The following SPATS1 variants were observed in gnomAD, a reference collection of about 807,000 sequenced individuals.
The protein encoded by SPATS1 is spermatogenesis associated serine rich 1.
In SPATS1, 23 loss-of-function variants were observed where a neutral mutation model predicts 33.6. The ratio of observed to expected loss-of-function variants is 0.68; its 90% CI spans 0.49 to 0.97. The LOEUF (loss-of-function observed/expected upper bound fraction) is 0.97, where lower values mean the gene tolerates loss of function less well. Among genes scored for constraint, SPATS1 ranks in the 50% least tolerant of loss-of-function variants. The pLI is 0.00. For missense variants in SPATS1, 327 were observed against 361.0 expected (o/e 0.91, Z 0.76); for synonymous variants, 131 against 125.6 (o/e 1.04, Z -0.29).
chr6:44,364,605 A>C (rs988384488), intron 5 of SPATS1, among the ~76,000 whole-genome samples: 5 of 152,186 alleles, frequency 3.3e-5, no homozygotes, highest in South Asian at 2.1e-4. Flanking sequence ...TTAAACATCA[A>C]ACGCAATGGT....
chr6:44,361,314 C>T (rs939822773), intron 4 of SPATS1: 16 of 985,170 alleles, frequency 1.6e-5, no homozygotes, highest in African/African-American at 7.0e-5. Flanking sequence ...TGGGGTCTCA[C>T]GACAGCTTTT....
At chr6:44,364,411 A>G (rs899954391) in intron 5 of SPATS1, among the ~76,000 whole-genome samples, 11 of 152,306 alleles carry the variant, frequency 7.2e-5, no homozygotes, top group African/African-American at 2.4e-4. Context: ...TGCAATTTGT[A>G]TGGTGAAGAA....
chr6:44,354,141 C>T (rs921138897), intron 3 of SPATS1, among the ~76,000 whole-genome samples: 2 of 151,618 alleles, frequency 1.3e-5, no homozygotes, highest in African/African-American at 4.8e-5. Context: ...CGAGGCCAGC[C>T]AGGGCAACAC....
At chr6:44,361,652 C>T in intron 4 of SPATS1, 179 bp from the exon 5 acceptor site, 1 of 743,180 alleles carries the variant, frequency 1.3e-6, no homozygotes, top group Non-Finnish European at 1.6e-6. Flanking sequence ...ACTTCCCTTC[C>T]TTTTGTGTCT....
intron 5 of SPATS1, 67 bp from the exon 6 acceptor site, chr6:44,368,312 T>C (rs1789368718): frequency 6.5e-7 from 1 of 1,529,140 alleles, no homozygotes; most frequent in African/African-American, 1.4e-5. Context: ...GTCATGCCAA[T>C]ACTTACAGCA....
At chr6:44,344,966 G>A (rs986123374) in intron 2 of SPATS1, among the ~76,000 whole-genome samples, 1 of 152,146 alleles carries the variant, frequency 6.6e-6, no homozygotes, top group African/African-American at 2.4e-5. Flanking sequence ...TCTCCTTAGT[G>A]TGTTTGTCTC....
rs1468013665 is a variant in SPATS1, at chr6:44,342,665, G to C, written c.-104G>C. ...CGGCAACCCCGGAACGCGCCTCTGT[G>C]GGAGAAGCAGGCGGCTGCGGTGTCC... is the stretch of plus-strand genomic sequence containing the variant. On this transcript the variant is annotated 5_prime_UTR_variant, in exon 1 of 9. Transcript: ENST00000674044. 2 of 456,652 alleles carry C rather than the reference G, an allele frequency of 4.4e-6. No individual in the cohort carries two copies. The highest frequency in any genetic ancestry group is 8.8e-6 in the Non-Finnish European group (2 of 227,204). The allele number at this position is 456,652 out of a possible 1,614,324, so 28.3% of individuals were successfully genotyped here.
chr6:44,342,759 T>TG lies in SPATS1; in HGVS notation c.-8dup, dbSNP rs768517384. 23 of 488,128 alleles carry TG rather than the reference T, an allele frequency of 4.7e-5. No homozygotes were observed. The highest frequency in any genetic ancestry group is 3.5e-4 in the South Asian group (23 of 64,912). The allele number at this position is 488,128 out of a possible 1,614,324, so 30.2% of individuals were successfully genotyped here. A position where few individuals can be genotyped will look rare whatever the true frequency, so the allele number is the denominator to read the frequency against. On this transcript the variant is annotated 5_prime_UTR_variant, in exon 1 of 9. Coordinates refer to ENST00000674044, the MANE Select transcript of SPATS1 (RefSeq NM_001372081.1). The stretch of plus-strand genomic sequence containing the variant: ...TGCGTTCGGCAGTTCAGTTGCCAGT[T>TG]GGTTCGTTGGTCCGTGGAGGCCTCT...
intron 2 of SPATS1, among the ~76,000 whole-genome samples, chr6:44,344,814 G>A (rs867877296): frequency 2.5e-4 from 38 of 152,048 alleles, no homozygotes; most frequent in Middle Eastern, 3.4e-3. Context: ...ACCTTCTCTT[G>A]GCCTTTAATT....
At position 44,376,907 on chromosome 6, in the gene SPATS1, G is replaced by T. The variant is rs559127327; in HGVS notation, c.875-128G>T. On this transcript the variant is annotated intron_variant, in intron 8 of 8. Coordinates refer to ENST00000674044, the MANE Select transcript of SPATS1 (RefSeq NM_001372081.1). ...AGGCAAAGTATCTCCTGGAGTGGAT[G>T]TGTCTTCTGTCCCGAGGTGGTCTCA... is the stretch of plus-strand genomic sequence containing the variant. The T allele has an allele frequency of 5.1e-6, 5 of 987,648 alleles. No individual in the cohort carries two copies. The African/African-American group carries it at 6.4e-5, about 13-fold the overall frequency. 61.2% of individuals were successfully genotyped at this position (987,648 alleles called of 1,614,324 possible).
intron 2 of SPATS1, among the ~76,000 whole-genome samples, chr6:44,345,218 C>T (rs184526560): frequency 4.1e-4 from 62 of 152,148 alleles, no homozygotes; most frequent in African/African-American, 1.4e-3. Flanking sequence ...GTCTCCAGCT[C>T]AAGTTTGAGG....
intron 5 of SPATS1, among the ~76,000 whole-genome samples, chr6:44,366,936 G>C (rs958912736): frequency 6.6e-6 from 1 of 152,092 alleles, no homozygotes; most frequent in Non-Finnish European, 1.5e-5. Context: ...ATAGCTCAAG[G>C]GCACAGAACT....
intron 7 of SPATS1, among the ~76,000 whole-genome samples, chr6:44,371,108 A>G (rs1789583937): frequency 6.6e-6 from 1 of 151,482 alleles, no homozygotes; most frequent in Non-Finnish European, 1.5e-5. Context: ...AGCATGGGCA[A>G]CATAGTGAGA....
Position 44,370,042 on chromosome 6 carries a change from GT to G in SPATS1, c.696-4del. The stretch of plus-strand genomic sequence containing the variant: ...TACCAGTTTTATGATTGCCTTTTCT[GT>G]TTTTCAGAGTGCCTTATGAAAAGAA... On this transcript the variant is annotated splice_polypyrimidine_tract_variant and splice_region_variant and intron_variant, in intron 6 of 8. Transcript: ENST00000674044. 1 of 1,608,886 alleles carries G rather than the reference GT, an allele frequency of 6.2e-7. No homozygotes were observed. Among genetic ancestry groups the G allele is most frequent in the Non-Finnish European group, 8.5e-7 (1 of 1,176,112 alleles).
intron 2 of SPATS1, among the ~76,000 whole-genome samples, chr6:44,344,636 T>C (rs1787768334): frequency 1.3e-5 from 2 of 152,108 alleles, no homozygotes; most frequent in Non-Finnish European, 2.9e-5. Context: ...AGAGCTATTA[T>C]GACAATCAGC....
At chr6:44,373,402 CTTGT>C (rs1223383124) in intron 7 of SPATS1, among the ~76,000 whole-genome samples, 1 of 152,170 alleles carries the variant, frequency 6.6e-6, no homozygotes, top group Non-Finnish European at 1.5e-5. Flanking sequence ...CAGTTTTCTA[CTTGT>C]TTAAGTCAGG....
intron 2 of SPATS1, among the ~76,000 whole-genome samples, chr6:44,350,390 G>C (rs73439534): frequency 0.019 from 2,926 of 152,266 alleles, 90 homozygotes; most frequent in African/African-American, 0.066. Flanking sequence ...TGAGGGTGGG[G>C]GCTTATTTAA....
intron 4 of SPATS1, chr6:44,361,369 C>T: frequency 1.0e-6 from 1 of 985,408 alleles, no homozygotes; most frequent in Non-Finnish European, 1.2e-6. Context: ...GTCACCGTAG[C>T]ACATGCGCGT....
intron 3 of SPATS1, 44 bp downstream of exon 3, chr6:44,352,917 C>G: frequency 6.3e-7 from 1 of 1,597,274 alleles, no homozygotes; most frequent in Non-Finnish European, 8.6e-7. Context: ...TGGGGAGATT[C>G]TGACCAAGAA....
Sources: allele counts gnomAD v4.1 joint callset (sites outside exome capture counted in the v4.1 genomes callset), GRCh38; gene constraint gnomAD v4.1.1; transcripts MANE v1.5; gene names NCBI Gene and HGNC (gene_info 2026-07-23, HGNC 2026-07-21).